CACNA1C: variants seen among roughly 807,000 people sequenced by gnomAD.
CACNA1C encodes voltage-dependent L-type calcium channel subunit alpha-1C.
A neutral mutation model predicts 229.0 loss-of-function variants in CACNA1C; 30 were observed. The ratio of observed to expected loss-of-function variants is 0.13; its 90% confidence interval spans 0.10 to 0.18. The LOEUF (loss-of-function observed/expected upper bound fraction) is 0.18. Ranked by LOEUF, CACNA1C falls within the 10% of genes least tolerant of loss-of-function variation. The pLI is 1.00. For missense variants in CACNA1C, 1,658 were observed against 2,845.0 expected (o/e 0.58, Z 9.49); for synonymous variants, 1,114 against 1,132.5 (o/e 0.98, Z 0.33).
At chr12:2,162,878 T>G (rs1293316810) in intron 3 of CACNA1C, among the ~76,000 whole-genome samples, 1 of 152,148 alleles carries the variant, frequency 6.6e-6, no homozygotes, top group African/African-American at 2.4e-5. Flanking sequence ...ACAAAGCCAT[T>G]GCCTTCTTGA....
At chr12:2,510,686 C>T (rs927171616) in intron 8 of CACNA1C, among the ~76,000 whole-genome samples, 3 of 152,180 alleles carry the variant, frequency 2.0e-5, no homozygotes, top group Non-Finnish European at 4.4e-5. Flanking sequence ...AGAACTTGAA[C>T]CCTCTGCAAA....
chr12:2,600,366 G>A (rs917947734), intron 21 of CACNA1C, among the ~76,000 whole-genome samples: 1 of 152,256 alleles, frequency 6.6e-6, no homozygotes, highest in Non-Finnish European at 1.5e-5. Context: ...TAAATGGAAA[G>A]AATTAGGTTG....
chr12:2,654,431 A>G lies in CACNA1C; in HGVS notation c.4140+531A>G, dbSNP rs1295212637. 6.6e-6 allele frequency among the ~76,000 whole-genome samples: 1 copy of G among 152,210 alleles called. No homozygotes were observed. The highest frequency in any genetic ancestry group is 1.5e-5 in the Non-Finnish European group (1 of 68,030). ...GCAGTTTTCTGGGGCCTCCCCTCCC[A>G]GGTGCCCACTGCACCATTCACCGCA... On this transcript the variant is annotated intron_variant, in intron 33 of 46. Coordinates refer to ENST00000399655, the MANE Select transcript of CACNA1C (RefSeq NM_000719.7). This position sits in a 1 kb window ranked among gnomAD's most constrained non-coding sequence, Gnocchi z 4.4.
chr12:2,456,334 T>C (rs10774049), intron 4 of CACNA1C, among the ~76,000 whole-genome samples: 96,314 of 152,174 alleles, frequency 0.63, 30,968 homozygotes, highest in East Asian at 0.87. Flanking sequence ...AGCTGGTCTC[T>C]GGCCTCGCCC....
chr12:2,431,965 G>A (rs1310845210), intron 3 of CACNA1C, among the ~76,000 whole-genome samples: 1 of 152,162 alleles, frequency 6.6e-6, no homozygotes, highest in Non-Finnish European at 1.5e-5. Flanking sequence ...ACCCTGCCAA[G>A]GTCACCAGAG....
At chr12:2,401,421 C>T (rs1319387909) in intron 3 of CACNA1C, among the ~76,000 whole-genome samples, 1 of 152,262 alleles carries the variant, frequency 6.6e-6, no homozygotes, top group Non-Finnish European at 1.5e-5. Flanking sequence ...CACATTTCCA[C>T]GACCTCATCT....
chr12:2,071,741 G>A (rs923532357), intron 1 of CACNA1C, among the ~76,000 whole-genome samples: 1 of 152,132 alleles, frequency 6.6e-6, no homozygotes. Flanking sequence ...TGTATCTGCT[G>A]CTTAGCCTTT....
intron 1 of CACNA1C, among the ~76,000 whole-genome samples, chr12:1,996,634 AAAAAAAAAAAAAAAAAAAAAACAAC>A (rs1172292624): frequency 3.3e-5 from 4 of 122,474 alleles, no homozygotes; most frequent in Non-Finnish European, 5.0e-5. Context: ...AAAAAAAAAA[AAAAAAAAAAAAAAAAAAAAAACAAC>A]AAACTCTTCT....
rs1205769894 is a variant in CACNA1C, at chr12:2,596,626, C to T, written c.2794-604C>T. 3.9e-5 allele frequency among the ~76,000 whole-genome samples: 6 copies of T among 152,138 alleles called. No individual in the cohort carries two copies. The East Asian group carries it at 1.2e-3, about 29-fold the overall frequency. On this transcript the variant is annotated intron_variant, in intron 20 of 46. Transcript: ENST00000399655. ...CCTGCTTGGTCCAGGGCTGTCTTAC[C>T]GAGGTTAGCAGGTGTTGGCCCCATC...
chr12:2,683,982 C>T (rs1251427219), intron 43 of CACNA1C, among the ~76,000 whole-genome samples: 1 of 152,218 alleles, frequency 6.6e-6, no homozygotes, highest in Non-Finnish European at 1.5e-5. Flanking sequence ...CATTCAGTTC[C>T]TGAAAGGACT....
chr12:2,314,744 C>T (rs370117148), intron 3 of CACNA1C, among the ~76,000 whole-genome samples: 38 of 152,116 alleles, frequency 2.5e-4, no homozygotes, highest in South Asian at 1.2e-3. Context: ...AAGTGTGCCA[C>T]GGTGTTTCTA....
chr12:2,674,353 CAGAGGAAGGGGA>C (rs746026596), intron 38 of CACNA1C, 176 bp from the exon 39 acceptor site: 37 of 778,660 alleles, frequency 4.8e-5, no homozygotes, highest in Non-Finnish European at 6.9e-5. Flanking sequence ...GGAAGGTGGA[CAGAGGAAGGGGA>C]AGAGGAAGGA....
At chr12:2,194,186 C>G (rs1488979395) in intron 3 of CACNA1C, among the ~76,000 whole-genome samples, 1 of 142,168 alleles carries the variant, frequency 7.0e-6, no homozygotes, top group Non-Finnish European at 1.6e-5. Flanking sequence ...CTCTCCTCTT[C>G]TTCCCCTCCT....
chr12:2,453,087 G>C (rs2099393267), intron 4 of CACNA1C, among the ~76,000 whole-genome samples: 1 of 152,128 alleles, frequency 6.6e-6, no homozygotes, highest in South Asian at 2.1e-4. Flanking sequence ...TTCGGCTGCA[G>C]AACCCACTGT....
At chr12:2,172,461 A>G (rs2096524188) in intron 3 of CACNA1C, among the ~76,000 whole-genome samples, 1 of 152,228 alleles carries the variant, frequency 6.6e-6, no homozygotes, top group South Asian at 2.1e-4. Context: ...TTAGCTCTAA[A>G]AATTAATATT....
chr12:2,303,530 T>A (rs1206633705), intron 3 of CACNA1C, among the ~76,000 whole-genome samples: 1 of 151,870 alleles, frequency 6.6e-6, no homozygotes, highest in Non-Finnish European at 1.5e-5. Flanking sequence ...TTTTGGAGGC[T>A]GAGATGGGAG....
At chr12:2,453,483 C>G (rs114693189) in intron 4 of CACNA1C, among the ~76,000 whole-genome samples, 1,845 of 152,286 alleles carry the variant, frequency 0.012, 42 homozygotes, top group African/African-American at 0.042. Context: ...GTGTAGTGCA[C>G]TCTGTGGCAA....
intron 3 of CACNA1C, among the ~76,000 whole-genome samples, chr12:2,247,875 C>G (rs969974775): frequency 3.9e-5 from 6 of 152,138 alleles, no homozygotes; most frequent in African/African-American, 1.4e-4. Context: ...AAGCAAGAAA[C>G]AGTACATGGA....
intron 1 of CACNA1C, among the ~76,000 whole-genome samples, chr12:2,110,723 C>T (rs965015346): frequency 1.3e-5 from 2 of 152,216 alleles, no homozygotes; most frequent in African/African-American, 4.8e-5. Flanking sequence ...TAGAACATTT[C>T]AAGTGCTCAG....
Sources: allele counts gnomAD v4.1 joint callset (sites outside exome capture counted in the v4.1 genomes callset), GRCh38; gene constraint gnomAD v4.1.1; non-coding constraint Gnocchi (gnomAD v3.1); transcripts MANE v1.5; gene names NCBI Gene and HGNC (gene_info 2026-07-23, HGNC 2026-07-21).